PRCD: variants seen among roughly 807,000 people sequenced by gnomAD.
The protein encoded by PRCD is photoreceptor disc component.
PRCD carries 12 observed loss-of-function variants against 10.1 expected under a neutral mutation model. The ratio of observed to expected loss-of-function variants is 1.18; its 90% CI spans 0.76 to 1.92. PRCD has a LOEUF of 1.92. Among genes scored for constraint, PRCD ranks in the 40% most tolerant of loss-of-function variants. The pLI, the probability that PRCD is intolerant of heterozygous loss-of-function variation, is 0.00. For missense variants in PRCD, 61 were observed against 72.2 expected (o/e 0.84, Z 0.56); for synonymous variants, 31 against 26.2 (o/e 1.18, Z -0.56).
At chr17:76,529,969 A>G (rs2074815350) in intron 1 of PRCD, 1 of 985,246 alleles carries the variant, frequency 1.0e-6, no homozygotes. Flanking sequence ...CAGGAAGGGC[A>G]GGAGGCCTGG....
downstream of PRCD, among the ~76,000 whole-genome samples, chr17:76,548,599 A>C (rs148090685): frequency 7.7e-3 from 1,172 of 152,324 alleles, 21 homozygotes; most frequent in African/African-American, 0.027. Flanking sequence ...ACATTTGTCA[A>C]GCCCAGGTGG....
intron 1 of PRCD, chr17:76,550,668 T>C (rs1159080072): frequency 6.6e-6 from 1 of 152,260 alleles, no homozygotes; most frequent in African/African-American, 2.4e-5. Context: ...TGTAAATGGT[T>C]ATACTGTATT....
chr17:76,536,107 C>T (rs905834272), upstream of PRCD, among the ~76,000 whole-genome samples: 1 of 152,192 alleles, frequency 6.6e-6, no homozygotes, highest in Admixed American at 6.5e-5. Context: ...ATCCCAATGT[C>T]CCTCTTAGCT....
downstream of PRCD, chr17:76,549,858 A>T (rs2075089627): frequency 6.6e-6 from 1 of 152,238 alleles, no homozygotes; most frequent in Non-Finnish European, 1.5e-5. Flanking sequence ...GGCAGAACCG[A>T]CTGATAGTGA....
At chr17:76,548,646 A>G (rs549368160), downstream of PRCD, among the ~76,000 whole-genome samples, 1 of 152,364 alleles carries the variant, frequency 6.6e-6, no homozygotes, top group South Asian at 2.1e-4. Flanking sequence ...TGATCTCCTC[A>G]GGAAAAGAAC....
At chr17:76,552,271 T>G (rs1454831966) in intron 1 of PRCD, 1 of 152,142 alleles carries the variant, frequency 6.6e-6, no homozygotes, top group Non-Finnish European at 1.5e-5. Flanking sequence ...CTCCACTCAC[T>G]GCAAGCTCTG....
At chr17:76,548,380 G>A (rs1234007188), downstream of PRCD, among the ~76,000 whole-genome samples, 5 of 152,214 alleles carry the variant, frequency 3.3e-5, no homozygotes, top group Admixed American at 6.5e-5. Context: ...GTGTTCATTT[G>A]GTCATTTATT....
chr17:76,542,411 A>T, intron 2 of PRCD, 142 bp from the exon 3 acceptor site: 1 of 957,884 alleles, frequency 1.0e-6, no homozygotes. Flanking sequence ...ACACTGTCCT[A>T]AATGCCAACT....
At chr17:76,536,670 C>T (rs141401409), upstream of PRCD, among the ~76,000 whole-genome samples, 44 of 152,260 alleles carry the variant, frequency 2.9e-4, no homozygotes, top group African/African-American at 1.0e-3. Context: ...GCCTGAATGA[C>T]CCCTAAGCCC....
At position 76,542,406 on chromosome 17, in the gene PRCD, G is replaced by A. The variant is rs1373963118; in HGVS notation, c.144-147G>A. ...GACATTTCTACTCTCCAGTCACACTGTCCTAAATGCCAACTGATTCCTTAG... is the reference window on the plus strand; with the variant it reads ...GACATTTCTACTCTCCAGTCACACTATCCTAAATGCCAACTGATTCCTTAG... On this transcript the variant is annotated intron_variant, in intron 2 of 4. Coordinates refer to ENST00000592014, the MANE Select transcript of PRCD (RefSeq NM_001077620.3). The A allele has an allele frequency of 9.9e-6, 9 of 911,892 alleles. No homozygotes were observed. In the South Asian group the frequency reaches 1.2e-4, roughly 12 times the overall value. 56.5% of individuals were successfully genotyped at this position (911,892 alleles called of 1,614,324 possible).
downstream of PRCD, chr17:76,547,049 C>G (rs892447657): frequency 1.3e-5 from 2 of 152,266 alleles, no homozygotes; most frequent in African/African-American, 2.4e-5. Context: ...TCCCGCCCAG[C>G]CTGCCTTTGC....
At chr17:76,538,197 G>A (rs2074944833), upstream of PRCD, 1 of 158,482 alleles carries the variant, frequency 6.3e-6, no homozygotes, top group Admixed American at 6.5e-5. Flanking sequence ...GCGAACAGGA[G>A]CCCCTCCGGC....
Position 76,542,705 on chromosome 17 carries a change from C to T in PRCD, c.*59+72C>T. The T allele has an allele frequency of 5.2e-6, 5 of 963,466 alleles. No homozygotes were observed. The South Asian group carries it at 5.3e-5, about 10-fold the overall frequency. 59.7% of individuals were successfully genotyped at this position (963,466 alleles called of 1,614,324 possible). A position where few individuals can be genotyped will look rare whatever the true frequency, so the allele number is the denominator to read the frequency against. ...ACAGGCAGGAAGCAACAGGCAAGTCCCGGCCATGTGGGAGGATAGCAGGCA... is the reference window on the plus strand; with the variant it reads ...ACAGGCAGGAAGCAACAGGCAAGTCTCGGCCATGTGGGAGGATAGCAGGCA... On this transcript the variant is annotated intron_variant, in intron 3 of 4. Transcript: ENST00000592014.
chr17:76,544,982 G>A lies in PRCD; in HGVS notation c.*1332G>A, dbSNP rs1022643960. The A allele has an allele frequency of 2.2e-6, 1 of 456,440 alleles. No homozygotes were observed. The highest frequency in any genetic ancestry group is 2.0e-5 in the African/African-American group (1 of 50,064). 28.3% of individuals were successfully genotyped at this position (456,440 alleles called of 1,614,324 possible). On this transcript the variant is annotated 3_prime_UTR_variant, in exon 5 of 5. Coordinates refer to ENST00000592014, the MANE Select transcript of PRCD (RefSeq NM_001077620.3). ...AAGGGCGGGAAAAAGAGAGGAAGGG[G>A]CTGCTGGCGGCCAGCGGGGCTGTGG... is the stretch of plus-strand genomic sequence containing the variant.
chr17:76,549,685 C>T (rs556620390), downstream of PRCD, among the ~76,000 whole-genome samples: 5 of 152,168 alleles, frequency 3.3e-5, no homozygotes, highest in African/African-American at 7.2e-5. Flanking sequence ...TATTCCTCGA[C>T]GTGGGAACAG....
In PRCD at chr17:76,531,533, T is replaced by C. The variant is rs775902430; in HGVS notation, n.45+3700T>C. On this transcript the variant is annotated intron_variant and non_coding_transcript_variant, in intron 1 of 4. Coordinates refer to the PRCD transcript ENST00000397633. The surrounding 1 kb of genome is among the most constrained non-coding windows in gnomAD (Gnocchi z 7.4). ...CACAAGGGCGAGCACAGAGGACACCTTGTCGGGGTCATGCAGGTTCTCCAC... is the reference window on the plus strand; with the variant it reads ...CACAAGGGCGAGCACAGAGGACACCCTGTCGGGGTCATGCAGGTTCTCCAC... 27 of 1,614,018 alleles carry C rather than the reference T, an allele frequency of 1.7e-5. No individual in the cohort carries two copies. In the East Asian group the frequency reaches 2.2e-4, roughly 13 times the overall value.
Position 76,530,916 on chromosome 17 carries a change from C to A in PRCD, n.45+3083C>A, listed in dbSNP as rs1447815548. On this transcript the variant is annotated intron_variant and non_coding_transcript_variant, in intron 1 of 4. Coordinates refer to the PRCD transcript ENST00000397633. This position sits in a 1 kb window ranked among gnomAD's most constrained non-coding sequence, Gnocchi z 6.1. ...CCAGGGCCTCAGGAGATATGGGAGA[C>A]CTCGGGGACAGCAGAGGACATGGCG... is the stretch of plus-strand genomic sequence containing the variant. 3.3e-6 allele frequency: 5 copies of A among 1,494,016 alleles called. No individual in the cohort carries two copies. The highest frequency in any genetic ancestry group is 2.2e-5 in the Admixed American group (1 of 45,196). 92.5% of individuals were successfully genotyped at this position (1,494,016 alleles called of 1,614,324 possible). A position where few individuals can be genotyped will look rare whatever the true frequency, so the allele number is the denominator to read the frequency against.
chr17:76,539,524 C>T (rs779913749), upstream of PRCD, among the ~76,000 whole-genome samples: 9 of 152,204 alleles, frequency 5.9e-5, no homozygotes, highest in Non-Finnish European at 1.0e-4. Flanking sequence ...TGTTGAGTCT[C>T]CCGTCTCTCT....
Position 76,544,691 on chromosome 17 carries a change from G to A in PRCD, c.*1041G>A. The A allele has an allele frequency of 2.2e-6, 1 of 456,800 alleles. No homozygotes were observed. Among genetic ancestry groups the A allele is most frequent in the Non-Finnish European group, 4.4e-6 (1 of 226,990 alleles). 28.3% of individuals were successfully genotyped at this position (456,800 alleles called of 1,614,324 possible). A position where few individuals can be genotyped will look rare whatever the true frequency, so the allele number is the denominator to read the frequency against. Reference sequence around the variant, plus strand: ...CCTGGTGACAGGCCTGTCAGGCTGAGGGCCAGAGGGCACTGTTCCCGGGAC... The same window carrying A: ...CCTGGTGACAGGCCTGTCAGGCTGAAGGCCAGAGGGCACTGTTCCCGGGAC... On this transcript the variant is annotated 3_prime_UTR_variant, in exon 5 of 5. Coordinates refer to ENST00000592014, the MANE Select transcript of PRCD (RefSeq NM_001077620.3).
Sources: allele counts gnomAD v4.1 joint callset (sites outside exome capture counted in the v4.1 genomes callset), GRCh38; gene constraint gnomAD v4.1.1; non-coding constraint Gnocchi (gnomAD v3.1); transcripts MANE v1.5; gene names NCBI Gene and HGNC (gene_info 2026-07-23, HGNC 2026-07-21).